Variants in PPP2R5E observed in about 807,000 individuals in gnomAD.
PPP2R5E encodes the protein protein phosphatase 2 regulatory subunit B'epsilon, also known as serine/threonine-protein phosphatase 2A 56 kDa regulatory subunit epsilon isoform.
PPP2R5E carries 4 observed loss-of-function variants against 65.3 expected under a neutral mutation model. That is an observed-to-expected ratio of 0.06 (90% CI 0.03 to 0.14). PPP2R5E has a LOEUF of 0.14. Ranked by LOEUF, PPP2R5E falls within the 10% of genes least tolerant of loss-of-function variation. PPP2R5E has a pLI of 1.00. For missense variants in PPP2R5E, 274 were observed against 556.1 expected (o/e 0.49, Z 5.10); for synonymous variants, 183 against 187.4 (o/e 0.98, Z 0.19).
At chr14:63,424,122 T>C (rs971765462) in intron 3 of PPP2R5E, among the ~76,000 whole-genome samples, 2 of 152,142 alleles carry the variant, frequency 1.3e-5, no homozygotes, top group Non-Finnish European at 2.9e-5. Context: ...AGAAATAGAC[T>C]GATTCAAAAA....
At chr14:63,393,979 G>T (rs1470929229) in intron 7 of PPP2R5E, 51 bp from the exon 8 acceptor site, 1 of 1,056,966 alleles carries the variant, frequency 9.5e-7, no homozygotes, top group Non-Finnish European at 1.5e-6. Flanking sequence ...AAGTTGAACT[G>T]AGACAAACTG....
At chr14:63,404,676 G>A (rs550009056) in intron 5 of PPP2R5E, among the ~76,000 whole-genome samples, 21 of 152,268 alleles carry the variant, frequency 1.4e-4, no homozygotes, top group Middle Eastern at 3.4e-3. Flanking sequence ...CAAAACTTTC[G>A]AAAGTGTAAG....
chr14:63,528,011 C>G (rs2139748094), intron 2 of PPP2R5E, among the ~76,000 whole-genome samples: 1 of 151,300 alleles, frequency 6.6e-6, no homozygotes, highest in East Asian at 1.9e-4. Context: ...TACATTCTTA[C>G]TGAGGGAAAC....
chr14:63,478,654 G>C (rs1890532502), intron 2 of PPP2R5E, among the ~76,000 whole-genome samples: 1 of 152,062 alleles, frequency 6.6e-6, no homozygotes, highest in African/African-American at 2.4e-5. Context: ...TGACCTCACA[G>C]ACCCCTGAAA....
chr14:63,454,305 T>C (rs1889006094), intron 2 of PPP2R5E, among the ~76,000 whole-genome samples: 1 of 152,256 alleles, frequency 6.6e-6, no homozygotes, highest in Non-Finnish European at 1.5e-5. Context: ...TGTCAGTTGA[T>C]TTATTTTAAT....
chr14:63,430,425 A>G (rs907199226), intron 3 of PPP2R5E, among the ~76,000 whole-genome samples: 78 of 151,060 alleles, frequency 5.2e-4, no homozygotes, highest in Non-Finnish European at 9.9e-4. Context: ...ATACATGCAT[A>G]CATACATATT....
intron 3 of PPP2R5E, among the ~76,000 whole-genome samples, chr14:63,429,012 C>T (rs932126985): frequency 3.3e-5 from 5 of 152,018 alleles, no homozygotes; most frequent in Non-Finnish European, 5.9e-5. Flanking sequence ...AAAATACACA[C>T]GAAAGATAAG....
At chr14:63,505,488 G>A (rs1032482049) in intron 2 of PPP2R5E, among the ~76,000 whole-genome samples, 4 of 152,086 alleles carry the variant, frequency 2.6e-5, no homozygotes, top group Non-Finnish European at 5.9e-5. Flanking sequence ...TGAACACTTC[G>A]CCATTCACTC....
At chr14:63,453,562 T>A in intron 3 of PPP2R5E, 127 bp downstream of exon 3, 1 of 829,192 alleles carries the variant, frequency 1.2e-6, no homozygotes, top group Non-Finnish European at 1.8e-6. Context: ...TACATTTGCT[T>A]AGCTCTCCAA....
At chr14:63,534,478 G>A (rs907072181) in intron 2 of PPP2R5E, among the ~76,000 whole-genome samples, 10 of 152,012 alleles carry the variant, frequency 6.6e-5, no homozygotes, top group Non-Finnish European at 1.0e-4. Flanking sequence ...TGGCCAGGCT[G>A]GTCTCAAACT....
intron 2 of PPP2R5E, among the ~76,000 whole-genome samples, chr14:63,459,862 T>C (rs1037547361): frequency 2.2e-4 from 34 of 152,326 alleles, no homozygotes; most frequent in East Asian, 5.8e-4. Context: ...GTGAAAACTT[T>C]TAGTTTCCAA....
At chr14:63,388,531 A>T (rs540716531) in intron 11 of PPP2R5E, among the ~76,000 whole-genome samples, 21 of 152,240 alleles carry the variant, frequency 1.4e-4, no homozygotes, top group South Asian at 2.1e-4. Flanking sequence ...TAAACAATCC[A>T]GATGTGTGAG....
At chr14:63,490,019 A>C (rs1891207599) in intron 2 of PPP2R5E, among the ~76,000 whole-genome samples, 1 of 152,080 alleles carries the variant, frequency 6.6e-6, no homozygotes, top group Non-Finnish European at 1.5e-5. Flanking sequence ...TTTTCCTTAA[A>C]TTTTATGTAT....
intron 5 of PPP2R5E, among the ~76,000 whole-genome samples, chr14:63,399,449 G>A (rs755648990): frequency 4.7e-5 from 6 of 127,176 alleles, no homozygotes; most frequent in Non-Finnish European, 6.2e-5. Context: ...GCGCTATCTC[G>A]GCTTACTGAA....
chr14:63,537,860 G>A (rs1893734517), intron 2 of PPP2R5E, among the ~76,000 whole-genome samples: 1 of 152,096 alleles, frequency 6.6e-6, no homozygotes, highest in Non-Finnish European at 1.5e-5. Context: ...AATTCTGATA[G>A]TTTCCACACT....
chr14:63,446,172 T>C (rs1043628965), intron 3 of PPP2R5E, among the ~76,000 whole-genome samples: 1 of 152,224 alleles, frequency 6.6e-6, no homozygotes, highest in Non-Finnish European at 1.5e-5. Flanking sequence ...CAGTCAAATC[T>C]TCAGGCTCTA....
rs1302953284 is a variant in PPP2R5E, at chr14:63,389,603, A to T, written c.1074+9T>A. ...ATGCTCCCTGGCTCATGTCCTCTTT[A>T]CTACTAACCTGAAAATGGGGGCTAG... On this transcript the variant is annotated intron_variant, in intron 11 of 13. Coordinates refer to ENST00000337537, the MANE Select transcript of PPP2R5E (RefSeq NM_006246.5). The T allele has an allele frequency of 1.2e-6, 2 of 1,600,204 alleles. No homozygotes were observed. The highest frequency in any genetic ancestry group is 2.7e-5 in the African/African-American group (2 of 74,086).
chr14:63,384,765 G>A (rs894805364), intron 11 of PPP2R5E, among the ~76,000 whole-genome samples, 194 bp from the exon 12 acceptor site: 5 of 151,758 alleles, frequency 3.3e-5, no homozygotes, highest in East Asian at 3.9e-4. Flanking sequence ...GCGCGATCTC[G>A]GCTCTCTGCA....
At chr14:63,383,730 T>A (rs949054502) in intron 12 of PPP2R5E, among the ~76,000 whole-genome samples, 2 of 152,140 alleles carry the variant, frequency 1.3e-5, no homozygotes. Context: ...CAGAGAAAAA[T>A]GTAAAGGCAT....
Sources: allele counts gnomAD v4.1 joint callset (sites outside exome capture counted in the v4.1 genomes callset), GRCh38; gene constraint gnomAD v4.1.1; transcripts MANE v1.5; gene names NCBI Gene and HGNC (gene_info 2026-07-23, HGNC 2026-07-21).